TRABD2B: variants seen among roughly 807,000 people sequenced by gnomAD.
TRABD2B encodes TraB domain containing 2B, also known as metalloprotease TIKI2.
In TRABD2B, 14 loss-of-function variants were observed where a neutral mutation model predicts 40.1. That is an observed-to-expected ratio of 0.35 (90% CI 0.23 to 0.55). The LOEUF is 0.55. TRABD2B is among the 20% of genes least tolerant of loss of function. The pLI, the probability that TRABD2B is intolerant of heterozygous loss-of-function variation, is 0.90. For synonymous variants in TRABD2B, 263 were observed against 277.0 expected (o/e 0.95, Z 0.50); for missense variants, 541 against 648.6 (o/e 0.83, Z 1.80).
chr1:47,869,426 T>G (rs1277574252), intron 2 of TRABD2B, among the ~76,000 whole-genome samples: 1 of 152,222 alleles, frequency 6.6e-6, no homozygotes, highest in Non-Finnish European at 1.5e-5. Context: ...ACAACAGGTG[T>G]GATCACCGAT....
chr1:47,792,232 G>A (rs373568293), intron 4 of TRABD2B, among the ~76,000 whole-genome samples: 2 of 152,184 alleles, frequency 1.3e-5, no homozygotes, highest in African/African-American at 4.8e-5. Context: ...CCAGCCCAGA[G>A]GAGAACAGGA....
At chr1:47,933,556 G>A (rs1208914074) in intron 2 of TRABD2B, among the ~76,000 whole-genome samples, 3 of 152,140 alleles carry the variant, frequency 2.0e-5, no homozygotes, top group African/African-American at 7.2e-5. Context: ...GTGCTACCTA[G>A]AATGCCATTC....
chr1:47,919,086 G>A (rs987246893), intron 2 of TRABD2B, among the ~76,000 whole-genome samples: 1 of 152,244 alleles, frequency 6.6e-6, no homozygotes, highest in African/African-American at 2.4e-5. Context: ...ATCATTGTGT[G>A]TTGTGGTCAT....
At chr1:47,780,743 G>A (rs1361683075) in intron 4 of TRABD2B, among the ~76,000 whole-genome samples, 2 of 152,202 alleles carry the variant, frequency 1.3e-5, no homozygotes, top group African/African-American at 4.8e-5. Context: ...ATGACTAGGA[G>A]GTGAATGAGG....
chr1:47,863,776 C>T (rs111325261), intron 2 of TRABD2B, among the ~76,000 whole-genome samples: 1 of 152,270 alleles, frequency 6.6e-6, no homozygotes, highest in African/African-American at 2.4e-5. Context: ...AAACTTATGT[C>T]CATACAAAAA....
rs932914133 is a variant in TRABD2B at position 47,994,971 on chromosome 1, T to C, written c.103-374A>G. 2.6e-5 allele frequency among the ~76,000 whole-genome samples: 4 copies of C among 152,192 alleles called. No homozygotes were observed. The highest frequency in any genetic ancestry group is 9.7e-5 in the African/African-American group (4 of 41,442). On this transcript the variant is annotated intron_variant, in intron 1 of 6. Transcript: ENST00000606738. The surrounding 1 kb of genome is among the most constrained non-coding windows in gnomAD (Gnocchi z 6.7). ...TGAAGGGAAACTCTCATGATTAGCG[T>C]TCCCTGTGAGTGCCAAGGACTGCCA...
At chr1:47,835,795 A>T (rs1322479336) in intron 2 of TRABD2B, among the ~76,000 whole-genome samples, 1 of 152,236 alleles carries the variant, frequency 6.6e-6, no homozygotes, top group East Asian at 1.9e-4. Flanking sequence ...AAATGAAAGG[A>T]CACTAGACAG....
chr1:47,846,706 T>C (rs928876808), intron 2 of TRABD2B, among the ~76,000 whole-genome samples: 4 of 152,128 alleles, frequency 2.6e-5, no homozygotes, highest in Admixed American at 6.5e-5. Context: ...CTGGGGGACT[T>C]ACTGTATTTT....
chr1:47,795,516 G>C, intron 3 of TRABD2B: 1 of 285,592 alleles, frequency 3.5e-6, no homozygotes, highest in Non-Finnish European at 5.3e-6. Flanking sequence ...AGGCCACTGA[G>C]TACAAGAGTA....
At position 47,946,555 on chromosome 1, in the gene TRABD2B, T is replaced by C. The variant is rs1472283822; in HGVS notation, c.666+47479A>G. ...AATTACATTGATTGATTTTTGAACA[T>C]TAAACCAGCCTTGTATTCCCAGGAT... On this transcript the variant is annotated intron_variant, in intron 2 of 6. Transcript: ENST00000606738. Among the ~76,000 whole-genome samples, 4 of 152,348 alleles carry C rather than the reference T, an allele frequency of 2.6e-5. No homozygotes were observed. In the East Asian group the frequency reaches 5.8e-4, roughly 22 times the overall value.
chr1:47,791,856 C>A (rs1167455874), intron 4 of TRABD2B, among the ~76,000 whole-genome samples: 2 of 152,196 alleles, frequency 1.3e-5, no homozygotes, highest in African/African-American at 2.4e-5. Flanking sequence ...ATGCCCTGCA[C>A]ACAAAAACAG....
At chr1:47,811,227 G>A (rs1204713582) in intron 2 of TRABD2B, among the ~76,000 whole-genome samples, 1 of 152,120 alleles carries the variant, frequency 6.6e-6, no homozygotes, top group Non-Finnish European at 1.5e-5. Context: ...TCCAACTGAA[G>A]ATGAAGGCAG....
intron 2 of TRABD2B, among the ~76,000 whole-genome samples, chr1:47,865,082 A>C (rs1644036009): frequency 6.6e-6 from 1 of 152,076 alleles, no homozygotes; most frequent in Non-Finnish European, 1.5e-5. Context: ...AGAAAACCTG[A>C]CTGCTGGCGG....
intron 2 of TRABD2B, among the ~76,000 whole-genome samples, chr1:47,957,585 G>A (rs759744994): frequency 3.9e-5 from 6 of 152,128 alleles, no homozygotes; most frequent in South Asian, 2.1e-4. Flanking sequence ...TTCAGTAGCC[G>A]ATTCGATCAA....
intron 2 of TRABD2B, among the ~76,000 whole-genome samples, chr1:47,848,754 A>G (rs1364944503): frequency 6.6e-6 from 1 of 152,166 alleles, no homozygotes. Context: ...AGCTGCCTTC[A>G]CTTGCTCCAC....
chr1:47,817,146 G>C (rs556964971), intron 2 of TRABD2B, among the ~76,000 whole-genome samples: 2 of 152,228 alleles, frequency 1.3e-5, no homozygotes, highest in African/African-American at 2.4e-5. Flanking sequence ...CCAGCTGTTA[G>C]AGAGATATCC....
At chr1:47,863,684 A>T (rs1355796335) in intron 2 of TRABD2B, among the ~76,000 whole-genome samples, 1 of 152,136 alleles carries the variant, frequency 6.6e-6, no homozygotes, top group Non-Finnish European at 1.5e-5. Context: ...ACTTTGGAAG[A>T]TGGTTAGGTC....
chr1:47,955,914 T>G (rs1644019877), intron 2 of TRABD2B, among the ~76,000 whole-genome samples: 1 of 152,166 alleles, frequency 6.6e-6, no homozygotes, highest in South Asian at 2.1e-4. Context: ...CTAAGCAGCC[T>G]GTACCTCCTA....
At chr1:47,804,609 G>A (rs2124303646) in intron 2 of TRABD2B, among the ~76,000 whole-genome samples, 1 of 152,308 alleles carries the variant, frequency 6.6e-6, no homozygotes, top group East Asian at 1.9e-4. Context: ...AGTTGCTTCT[G>A]CAATCATGCA....
Sources: gnomAD v4.1 joint callset for allele counts (sites outside exome capture counted in the v4.1 genomes callset) on GRCh38, gnomAD v4.1.1 for gene constraint, Gnocchi (gnomAD v3.1) non-coding constraint, MANE v1.5 for transcripts, NCBI Gene and HGNC (gene_info 2026-07-23, HGNC 2026-07-21) for gene names.